The following SFXN5 variants were observed in gnomAD, a reference collection of about 807,000 sequenced individuals.
The protein encoded by SFXN5 is sideroflexin 5.
Under a neutral mutation model 50.2 loss-of-function variants are expected in SFXN5, and 43 were observed. The observed-to-expected ratio is 0.86, with a 90% CI of 0.67 to 1.11. SFXN5 has a LOEUF of 1.11. SFXN5 is among the 50% of genes least tolerant of loss of function. SFXN5 has a pLI of 0.00. For synonymous variants in SFXN5, 203 were observed against 185.8 expected, an observed-to-expected ratio of 1.09 and a Z score of -0.75; for missense variants, 463 against 454.1, an observed-to-expected ratio of 1.02 and a Z score of -0.18.
intron 1 of SFXN5, 91 bp downstream of exon 1, chr2:73,071,513 G>A: frequency 8.1e-7 from 1 of 1,227,352 alleles, no homozygotes; most frequent in Non-Finnish European, 1.1e-6. Flanking sequence ...CCGCGGGTGG[G>A]AGACCCTTGG....
At chr2:72,987,282 CTA>C (rs1445375567) in intron 10 of SFXN5, among the ~76,000 whole-genome samples, 6 of 151,408 alleles carry the variant, frequency 4.0e-5, no homozygotes, top group East Asian at 4.0e-4. Context: ...GCTAATTTTT[CTA>C]TGTTTAGTAG....
At position 73,022,590 on chromosome 2, in the gene SFXN5, G is replaced by A. The variant is rs368750310; in HGVS notation, c.277-14C>T. The A allele has an allele frequency of 4.7e-6, 6 of 1,272,164 alleles. No individual in the cohort carries two copies. 78.8% of individuals were successfully genotyped at this position (1,272,164 alleles called of 1,614,324 possible). On this transcript the variant is annotated splice_polypyrimidine_tract_variant and intron_variant, in intron 4 of 13. Transcript: ENST00000272433. Reference sequence around the variant, plus strand: ...ATGTAGAATAGCCTGGCAAAAGCAGGAACAGAGAATGGGGTGGGGACGGGG... The same window carrying A: ...ATGTAGAATAGCCTGGCAAAAGCAGAAACAGAGAATGGGGTGGGGACGGGG...
chr2:73,009,792 T>A (rs2105761675), intron 6 of SFXN5, among the ~76,000 whole-genome samples: 1 of 152,242 alleles, frequency 6.6e-6, no homozygotes, highest in South Asian at 2.1e-4. Context: ...CATCCAAGTC[T>A]CCCACCTGCC....
chr2:73,030,374 T>C (rs1432128434), intron 3 of SFXN5, among the ~76,000 whole-genome samples: 1 of 152,072 alleles, frequency 6.6e-6, no homozygotes, highest in Non-Finnish European at 1.5e-5. Context: ...TATATACACA[T>C]ATATTTGTTG....
intron 3 of SFXN5, among the ~76,000 whole-genome samples, chr2:73,025,415 C>T (rs1250038958): frequency 6.6e-6 from 1 of 152,194 alleles, no homozygotes; most frequent in Non-Finnish European, 1.5e-5. Context: ...GCCTGGAACA[C>T]AGTAGGTGCT....
chr2:73,056,380 C>T (rs1682126948), intron 2 of SFXN5, among the ~76,000 whole-genome samples: 1 of 143,836 alleles, frequency 7.0e-6, no homozygotes, highest in Non-Finnish European at 1.5e-5. Flanking sequence ...GAGACTCTGT[C>T]TCAAAAAAAA....
chr2:73,059,424 C>G (rs1682564110), intron 1 of SFXN5: 1 of 985,322 alleles, frequency 1.0e-6, no homozygotes, highest in Admixed American at 6.1e-5. Context: ...AGCCCCACAA[C>G]TCTCCAAGCA....
intron 3 of SFXN5, among the ~76,000 whole-genome samples, chr2:73,028,651 A>G (rs941308597): frequency 5.3e-5 from 8 of 152,188 alleles, no homozygotes; most frequent in African/African-American, 1.7e-4. Flanking sequence ...TTGCATTTCT[A>G]TTTTGTATTG....
At chr2:73,023,354 C>G in intron 3 of SFXN5, 140 bp from the exon 4 acceptor site, 1 of 767,886 alleles carries the variant, frequency 1.3e-6, no homozygotes, top group Admixed American at 2.6e-5. Context: ...CTTGCCAGCC[C>G]AGGCTGGGCA....
chr2:72,947,777 A>AG (rs1672122495), intron 13 of SFXN5, among the ~76,000 whole-genome samples: 1 of 152,086 alleles, frequency 6.6e-6, no homozygotes, highest in African/African-American at 2.4e-5. Context: ...CTGAGGGCCC[A>AG]GGCCTCTTCG....
intron 6 of SFXN5, among the ~76,000 whole-genome samples, chr2:73,011,198 C>A (rs189248491): frequency 5.5e-4 from 83 of 152,228 alleles, no homozygotes; most frequent in African/African-American, 1.9e-3. Context: ...AGACCACAGG[C>A]GCACACCACC....
At chr2:72,972,477 G>A (rs1351773242) in intron 10 of SFXN5, among the ~76,000 whole-genome samples, 2 of 152,224 alleles carry the variant, frequency 1.3e-5, no homozygotes, top group Non-Finnish European at 2.9e-5. Flanking sequence ...TGGGCTAAGG[G>A]GAGGGTTCCC....
In SFXN5 at chr2:73,040,888, T is replaced by A; in HGVS notation, c.215A>T (p.His72Leu). The change falls in exon 3 of 14, where the codon CAT (histidine) becomes CTT (leucine). Residue 72 changes from histidine to leucine, a missense_variant. Coordinates refer to ENST00000272433, the MANE Select transcript of SFXN5 (RefSeq NM_144579.3). The stretch of plus-strand genomic sequence containing the variant: ...GGTGACCCCCGGGCGCAGGGTCCCA[T>A]GCTTATAGTCCTCCAGCAGCTGCAC... ...EAVQLLEDYKHGTLRPGVTNE... is the reference protein window; with the variant it reads ...EAVQLLEDYKLGTLRPGVTNE... The A allele has an allele frequency of 6.2e-7, 1 of 1,613,228 alleles. No individual in the cohort carries two copies. The highest frequency in any genetic ancestry group is 2.2e-5 in the East Asian group (1 of 44,878).
chr2:73,038,405 G>C (rs1432344859), intron 3 of SFXN5, among the ~76,000 whole-genome samples: 1 of 152,196 alleles, frequency 6.6e-6, no homozygotes, highest in Non-Finnish European at 1.5e-5. Flanking sequence ...TGTAGTGGGT[G>C]AATGTGAAGG....
At chr2:72,956,421 G>T (rs1673092635) in intron 13 of SFXN5, among the ~76,000 whole-genome samples, 1 of 152,184 alleles carries the variant, frequency 6.6e-6, no homozygotes, top group South Asian at 2.1e-4. Context: ...CCTGTGGAGG[G>T]GAGGAGGGCT....
At chr2:72,990,470 T>A (rs61164794) in intron 9 of SFXN5, among the ~76,000 whole-genome samples, 1 of 151,762 alleles carries the variant, frequency 6.6e-6, no homozygotes, top group Non-Finnish European at 1.5e-5. Flanking sequence ...TGAGAGAAAG[T>A]GTGGGAGGAA....
chr2:72,957,300 G>A (rs1252524005), intron 13 of SFXN5, among the ~76,000 whole-genome samples: 1 of 152,194 alleles, frequency 6.6e-6, no homozygotes. Flanking sequence ...ATGCTGCCTG[G>A]TCCAATAGAT....
At position 72,945,249 on chromosome 2, in the gene SFXN5, G is replaced by T; in HGVS notation, c.946-150C>A. ...AGCCAGGGCTCACATGCCCTACCTA[G>T]TGACACATCTTCCTTCTCCACCGCC... On this transcript the variant is annotated intron_variant, in intron 13 of 13. Coordinates refer to ENST00000272433, the MANE Select transcript of SFXN5 (RefSeq NM_144579.3). The surrounding 1 kb of genome is among the most constrained non-coding windows in gnomAD (Gnocchi z 5.8). The T allele has an allele frequency of 1.4e-6, 1 of 696,588 alleles. No individual in the cohort carries two copies. The allele number at this position is 696,588 out of a possible 1,614,324, so 43.2% of individuals were successfully genotyped here.
chr2:73,070,584 T>C (rs979929278), intron 1 of SFXN5: 5 of 151,690 alleles, frequency 3.3e-5, no homozygotes, highest in African/African-American at 4.9e-5. Context: ...TTCCGTCTCA[T>C]TGGTGCGGGA....
Sources: gnomAD v4.1 joint callset for allele counts (sites outside exome capture counted in the v4.1 genomes callset) on GRCh38, gnomAD v4.1.1 for gene constraint, Gnocchi (gnomAD v3.1) non-coding constraint, MANE v1.5 for transcripts, NCBI Gene and HGNC (gene_info 2026-07-23, HGNC 2026-07-21) for gene names.